Variants in SNX29 observed in about 807,000 individuals in gnomAD.
The protein encoded by SNX29 is sorting nexin 29.
Under a neutral mutation model 102.1 loss-of-function variants are expected in SNX29, and 78 were observed. The observed-to-expected ratio is 0.76, with a 90% CI of 0.64 to 0.92. The LOEUF is 0.92. Ranked by LOEUF, SNX29 falls within the 40% of genes least tolerant of loss-of-function variation. SNX29 has a pLI of 0.00. For missense variants in SNX29, 1,280 were observed against 1,061.7 expected (o/e 1.21, Z -2.86); for synonymous variants, 580 against 414.5 (o/e 1.40, Z -4.85).
At chr16:12,359,860 A>G (rs909542899) in intron 16 of SNX29, among the ~76,000 whole-genome samples, 12 of 152,178 alleles carry the variant, frequency 7.9e-5, no homozygotes, top group Admixed American at 2.6e-4. Flanking sequence ...ATCATGCTGT[A>G]TCGCCCAGGC....
In SNX29 at chr16:12,570,828, G is replaced by C. The variant is rs1174984644; in HGVS notation, c.*2199G>C. 1 of 232,122 alleles carries C rather than the reference G, an allele frequency of 4.3e-6. No homozygotes were observed. Among genetic ancestry groups the C allele is most frequent in the East Asian group, 6.1e-5 (1 of 16,456 alleles). 14.4% of individuals were successfully genotyped at this position (232,122 alleles called of 1,614,324 possible). ...ATACTAACCCGTGAGAAACAAGTATGCTCTCAGCTGGTATTGAACTGGTGG... is the reference window on the plus strand; with the variant it reads ...ATACTAACCCGTGAGAAACAAGTATCCTCTCAGCTGGTATTGAACTGGTGG... On this transcript the variant is annotated 3_prime_UTR_variant, in exon 21 of 21. Coordinates refer to ENST00000566228, the MANE Select transcript of SNX29 (RefSeq NM_032167.5).
At chr16:12,352,987 G>A (rs563251139) in intron 15 of SNX29, among the ~76,000 whole-genome samples, 3 of 146,634 alleles carry the variant, frequency 2.0e-5, no homozygotes, top group Admixed American at 1.3e-4. Flanking sequence ...GGATATAGGC[G>A]TTGGATATGG....
At position 12,572,027 on chromosome 16, in the gene SNX29, G is replaced by A. The variant is rs114543851; in HGVS notation, c.*3398G>A. 3.1e-3 allele frequency: 3,331 copies of A among 1,062,904 alleles called. 78 individuals carry two copies. The African/African-American group carries it at 0.049, about 16-fold the overall frequency. 65.8% of individuals were successfully genotyped at this position (1,062,904 alleles called of 1,614,324 possible). A position where few individuals can be genotyped will look rare whatever the true frequency, so the allele number is the denominator to read the frequency against. On this transcript the variant is annotated 3_prime_UTR_variant, in exon 21 of 21. Coordinates refer to ENST00000566228, the MANE Select transcript of SNX29 (RefSeq NM_032167.5). ...TCTAGGGAGCTGCTGGCTATAAAAGGGATCATCCAGTGGAGTTGTAAACAA... is the reference window on the plus strand; with the variant it reads ...TCTAGGGAGCTGCTGGCTATAAAAGAGATCATCCAGTGGAGTTGTAAACAA...
intron 15 of SNX29, among the ~76,000 whole-genome samples, chr16:12,334,178 C>A (rs2081376068): frequency 6.6e-6 from 1 of 152,084 alleles, no homozygotes; most frequent in African/African-American, 2.4e-5. Context: ...AGCAAAATGA[C>A]AAATGTTGGT....
At chr16:11,984,574 T>C (rs892666236) in intron 1 of SNX29, among the ~76,000 whole-genome samples, 2 of 152,134 alleles carry the variant, frequency 1.3e-5, no homozygotes, top group African/African-American at 4.8e-5. Flanking sequence ...CTTTTAACTA[T>C]TGATTCTAGT....
chr16:12,241,990 C>A (rs376085811), intron 14 of SNX29, among the ~76,000 whole-genome samples: 1 of 152,112 alleles, frequency 6.6e-6, no homozygotes, highest in Non-Finnish European at 1.5e-5. Context: ...ATCTAAGAAC[C>A]CATAGCTGGC....
At chr16:12,041,107 G>GT (rs1384445244) in intron 4 of SNX29, among the ~76,000 whole-genome samples, 8 of 151,788 alleles carry the variant, frequency 5.3e-5, no homozygotes, top group Admixed American at 3.9e-4. Context: ...GCGCCATCCT[G>GT]TTTTTTTTGT....
intron 16 of SNX29, among the ~76,000 whole-genome samples, chr16:12,389,975 A>G (rs1308061501): frequency 6.6e-6 from 1 of 152,192 alleles, no homozygotes; most frequent in Non-Finnish European, 1.5e-5. Context: ...TGAGTGTTTC[A>G]CCAATTGGTT....
chr16:12,424,511 C>T (rs2084982310), intron 18 of SNX29, among the ~76,000 whole-genome samples: 1 of 152,118 alleles, frequency 6.6e-6, no homozygotes, highest in Non-Finnish European at 1.5e-5. Context: ...TTTGAGAGAG[C>T]TGGAGACTGC....
intron 20 of SNX29, among the ~76,000 whole-genome samples, chr16:12,566,874 G>C (rs537078153): frequency 5.3e-5 from 8 of 152,230 alleles, no homozygotes; most frequent in Non-Finnish European, 1.0e-4. Flanking sequence ...AGAAGGCAAA[G>C]CAACAACTTG....
At chr16:12,155,392 A>C (rs1452652165) in intron 13 of SNX29, among the ~76,000 whole-genome samples, 2 of 152,174 alleles carry the variant, frequency 1.3e-5, no homozygotes, top group African/African-American at 2.4e-5. Context: ...AGAGCCACAG[A>C]ATGTTTCTCT....
intron 20 of SNX29, among the ~76,000 whole-genome samples, chr16:12,567,840 C>G (rs1021626727): frequency 6.6e-6 from 1 of 152,184 alleles, no homozygotes; most frequent in African/African-American, 2.4e-5. Flanking sequence ...GGTGAAGCCT[C>G]CCAGCCTCTA....
At chr16:12,473,116 AAC>A (rs1468979892) in intron 18 of SNX29, among the ~76,000 whole-genome samples, 1 of 152,190 alleles carries the variant, frequency 6.6e-6, no homozygotes, top group African/African-American at 2.4e-5. Flanking sequence ...TAACAAACAA[AAC>A]AAAAAATTCT....
intron 16 of SNX29, among the ~76,000 whole-genome samples, chr16:12,382,573 G>A (rs1222034524): frequency 1.3e-5 from 2 of 152,222 alleles, no homozygotes; most frequent in African/African-American, 2.4e-5. Context: ...GCGGTTACCT[G>A]ATGTTAGCTG....
chr16:12,272,251 G>A (rs1460090517), intron 14 of SNX29, among the ~76,000 whole-genome samples: 1 of 152,202 alleles, frequency 6.6e-6, no homozygotes, highest in East Asian at 1.9e-4. Flanking sequence ...CGGGGCTAGT[G>A]CCTTGGGGAC....
At chr16:12,283,235 A>G (rs1175302367) in intron 15 of SNX29, among the ~76,000 whole-genome samples, 3 of 151,842 alleles carry the variant, frequency 2.0e-5, no homozygotes, top group Non-Finnish European at 4.4e-5. Context: ...TGATGGTTGT[A>G]GGAGATGAGC....
At chr16:12,543,489 C>A (rs933459605) in intron 20 of SNX29, among the ~76,000 whole-genome samples, 1 of 152,188 alleles carries the variant, frequency 6.6e-6, no homozygotes. Flanking sequence ...AAGCCACAGC[C>A]ACCTGTGCTG....
At chr16:12,411,671 T>C (rs2084403339) in intron 18 of SNX29, among the ~76,000 whole-genome samples, 2 of 152,172 alleles carry the variant, frequency 1.3e-5, no homozygotes, top group South Asian at 4.1e-4. Context: ...AAACTTGACA[T>C]TGAGCTGACC....
intron 20 of SNX29, among the ~76,000 whole-genome samples, chr16:12,561,635 A>G (rs1001872634): frequency 5.3e-5 from 8 of 152,186 alleles, no homozygotes; most frequent in African/African-American, 1.7e-4. Flanking sequence ...AGGCTTATTA[A>G]AAAGAACAGC....
Sources: allele counts gnomAD v4.1 joint callset (sites outside exome capture counted in the v4.1 genomes callset), GRCh38; gene constraint gnomAD v4.1.1; transcripts MANE v1.5; gene names NCBI Gene and HGNC (gene_info 2026-07-23, HGNC 2026-07-21).